Variants in THSD7B observed in about 807,000 individuals in gnomAD.
THSD7B encodes the protein thrombospondin type-1 domain-containing protein 7B.
THSD7B carries 138 observed loss-of-function variants against 213.6 expected under a neutral mutation model. The observed-to-expected ratio is 0.65, with a 90% CI of 0.56 to 0.74. THSD7B has a LOEUF of 0.74. Ranked by LOEUF, THSD7B falls within the 30% of genes least tolerant of loss-of-function variation. The pLI is 0.00. For synonymous variants in THSD7B, 742 were observed against 687.0 expected (o/e 1.08, Z -1.25); for missense variants, 1,931 against 1,991.5 (o/e 0.97, Z 0.58).
intron 14 of THSD7B, 117 bp from the exon 15 acceptor site, chr2:137,450,728 T>C (rs943934510): frequency 2.9e-5 from 21 of 736,454 alleles, no homozygotes; most frequent in Non-Finnish European, 3.9e-5. Flanking sequence ...AACAAAATTA[T>C]TGAAGCCACT....
intron 1 of THSD7B, among the ~76,000 whole-genome samples, chr2:136,785,440 A>G (rs1681825636): frequency 7.1e-6 from 1 of 141,802 alleles, no homozygotes; most frequent in South Asian, 2.4e-4. Context: ...CAGTGAGATG[A>G]GGGCGCAGGG....
At chr2:137,229,044 CTCA>C (rs1033580870) in intron 7 of THSD7B, among the ~76,000 whole-genome samples, 3 of 152,158 alleles carry the variant, frequency 2.0e-5, no homozygotes, top group Non-Finnish European at 2.9e-5. Context: ...AGCACTACAT[CTCA>C]TTTACCTTCT....
chr2:136,978,088 T>C (rs1685512982), intron 2 of THSD7B, among the ~76,000 whole-genome samples: 1 of 152,146 alleles, frequency 6.6e-6, no homozygotes, highest in Admixed American at 6.5e-5. Flanking sequence ...CGTGAGCCAC[T>C]GCACCCAGCC....
rs537189258 is a variant in THSD7B at position 137,632,539 on chromosome 2, T to C, written c.3800-9949T>C. Among the ~76,000 whole-genome samples, 8 of 152,288 alleles carry C rather than the reference T, an allele frequency of 5.3e-5. No individual in the cohort carries two copies. In the South Asian group the frequency reaches 1.7e-3, roughly 32 times the overall value. On this transcript the variant is annotated intron_variant, in intron 20 of 27. Transcript: ENST00000409968. Reference sequence around the variant, plus strand: ...GGGTATTGCTGCTGTTTATAGGTATTACAGTGGTCCCTCAAGTTGTGTTAG... The same window carrying C: ...GGGTATTGCTGCTGTTTATAGGTATCACAGTGGTCCCTCAAGTTGTGTTAG...
intron 18 of THSD7B, among the ~76,000 whole-genome samples, chr2:137,618,160 C>T (rs776064286): frequency 4.8e-4 from 73 of 152,144 alleles, no homozygotes; most frequent in Non-Finnish European, 6.2e-4. Flanking sequence ...AAACCATTGG[C>T]TCTTTATCTC....
intron 3 of THSD7B, among the ~76,000 whole-genome samples, chr2:137,080,232 A>C (rs1474503089): frequency 1.3e-5 from 2 of 151,490 alleles, no homozygotes; most frequent in African/African-American, 4.8e-5. Context: ...ACAGAGTCTC[A>C]CTTCATCACC....
At chr2:137,511,792 G>A (rs904853792) in intron 15 of THSD7B, among the ~76,000 whole-genome samples, 3 of 152,148 alleles carry the variant, frequency 2.0e-5, no homozygotes, top group African/African-American at 7.2e-5. Flanking sequence ...TCACCTGCAG[G>A]GGAGTTTAGG....
intron 1 of THSD7B, among the ~76,000 whole-genome samples, chr2:136,863,458 T>A (rs2104974237): frequency 6.6e-6 from 1 of 152,302 alleles, no homozygotes; most frequent in Admixed American, 6.5e-5. Flanking sequence ...GCCATCCAGA[T>A]CCTTTTGCAG....
intron 2 of THSD7B, among the ~76,000 whole-genome samples, chr2:136,910,988 A>G (rs886844209): frequency 1.3e-5 from 2 of 152,180 alleles, no homozygotes; most frequent in African/African-American, 4.8e-5. Context: ...GTATAAAATC[A>G]GACTTTAAGG....
At chr2:136,779,023 T>A (rs1371253147) in intron 1 of THSD7B, among the ~76,000 whole-genome samples, 1 of 152,226 alleles carries the variant, frequency 6.6e-6, no homozygotes, top group African/African-American at 2.4e-5. Context: ...AAACTATGGT[T>A]AATGATATAC....
In THSD7B at chr2:137,333,034, A is replaced by G. The variant is rs547475475; in HGVS notation, c.2500+57008A>G. On this transcript the variant is annotated intron_variant, in intron 12 of 27. Coordinates refer to ENST00000409968, the MANE Select transcript of THSD7B (RefSeq NM_001316349.2). ...TGGCCCTGTAGTATCAATTGTGTGG[A>G]TCCGAGAACGAAGGAAACCATATTC... Among the ~76,000 whole-genome samples the G allele has an allele frequency of 3.3e-4, 51 of 152,284 alleles. 1 individual carries two copies. Among genetic ancestry groups the G allele is most frequent in the Middle Eastern group, 3.4e-3 (1 of 294 alleles).
chr2:136,926,124 T>C (rs1684517323), intron 2 of THSD7B, among the ~76,000 whole-genome samples: 1 of 152,170 alleles, frequency 6.6e-6, no homozygotes, highest in Non-Finnish European at 1.5e-5. Context: ...ACCACCTTCA[T>C]AGACTCCTAC....
chr2:137,292,697 T>A (rs1420593632), intron 12 of THSD7B, among the ~76,000 whole-genome samples: 1 of 152,138 alleles, frequency 6.6e-6, no homozygotes, highest in African/African-American at 2.4e-5. Context: ...AGATTATTTA[T>A]TCCCTGATGG....
intron 20 of THSD7B, among the ~76,000 whole-genome samples, chr2:137,621,488 T>C (rs181504792): frequency 9.3e-4 from 141 of 152,248 alleles, no homozygotes; most frequent in African/African-American, 3.0e-3. Flanking sequence ...TAATGCACCA[T>C]GGCAAGGAAT....
At chr2:137,524,635 T>G (rs983880900) in intron 15 of THSD7B, among the ~76,000 whole-genome samples, 1 of 152,228 alleles carries the variant, frequency 6.6e-6, no homozygotes, top group Non-Finnish European at 1.5e-5. Flanking sequence ...CTTTGTTTTG[T>G]AAATATCAAT....
At chr2:137,049,589 A>G (rs1447407808) in intron 2 of THSD7B, among the ~76,000 whole-genome samples, 1 of 151,478 alleles carries the variant, frequency 6.6e-6, no homozygotes, top group Non-Finnish European at 1.5e-5. Context: ...CTAGGGACAC[A>G]TAATTTCTGA....
At chr2:137,525,098 A>T (rs1680255097) in intron 15 of THSD7B, among the ~76,000 whole-genome samples, 1 of 152,160 alleles carries the variant, frequency 6.6e-6, no homozygotes, top group African/African-American at 2.4e-5. Flanking sequence ...CATTTAGTTC[A>T]AAATAAATAT....
chr2:136,817,011 G>T (rs1227700696), intron 1 of THSD7B, among the ~76,000 whole-genome samples: 1 of 152,152 alleles, frequency 6.6e-6, no homozygotes, highest in African/African-American at 2.4e-5. Flanking sequence ...GCAACAGAAA[G>T]GTTAGAGTAG....
intron 12 of THSD7B, among the ~76,000 whole-genome samples, chr2:137,315,686 T>G (rs1684080657): frequency 6.6e-6 from 1 of 152,370 alleles, no homozygotes; most frequent in South Asian, 2.1e-4. Flanking sequence ...GTTACCTTTT[T>G]AAATTTAATT....
Sources: allele counts gnomAD v4.1 joint callset (sites outside exome capture counted in the v4.1 genomes callset), GRCh38; gene constraint gnomAD v4.1.1; transcripts MANE v1.5; gene names NCBI Gene and HGNC (gene_info 2026-07-23, HGNC 2026-07-21).